NBAS: variants seen among roughly 807,000 people sequenced by gnomAD.
The protein encoded by NBAS is NAG/BC035112 fusion.
In NBAS, 219 loss-of-function variants were observed where a neutral mutation model predicts 302.5. The observed-to-expected ratio is 0.72, with a 90% CI of 0.65 to 0.81. The LOEUF (loss-of-function observed/expected upper bound fraction) is 0.81. Among genes scored for constraint, NBAS ranks in the 30% least tolerant of loss-of-function variants. NBAS has a pLI of 0.00. For missense variants in NBAS, 2,932 were observed against 2,841.6 expected, an observed-to-expected ratio of 1.03 and a Z score of -0.72; for synonymous variants, 1,118 against 1,021.6, an observed-to-expected ratio of 1.09 and a Z score of -1.80.
At chr2:15,076,471 G>T in the NBAS span, among the ~76,000 whole-genome samples, 1 of 152,136 alleles carries the variant, frequency 6.6e-6, no homozygotes, top group Non-Finnish European at 1.5e-5. Flanking sequence ...TTTTGTGAAG[G>T]TGTCTCTCCC....
chr2:15,101,964 A>C, the NBAS span, among the ~76,000 whole-genome samples: 74 of 152,344 alleles, frequency 4.9e-4, 1 homozygote, highest in African/African-American at 1.8e-3. Flanking sequence ...CTTGTGGGCC[A>C]TTTCTCATGC....
At chr2:14,911,102 CAA>C in the NBAS span, among the ~76,000 whole-genome samples, 2 of 152,164 alleles carry the variant, frequency 1.3e-5, no homozygotes, top group East Asian at 1.9e-4. Flanking sequence ...CAAAGAAACT[CAA>C]AGTTACCTTT....
chr2:14,868,677 T>G, the NBAS span, among the ~76,000 whole-genome samples: 1 of 152,224 alleles, frequency 6.6e-6, no homozygotes, highest in South Asian at 2.1e-4. Flanking sequence ...CTTACTGAGT[T>G]TAGTCTAACT....
the NBAS span, among the ~76,000 whole-genome samples, chr2:14,975,094 A>G: frequency 6.6e-6 from 1 of 152,076 alleles, no homozygotes; most frequent in East Asian, 1.9e-4. Context: ...ACCTCACAGA[A>G]CAGAACCTGC....
chr2:15,427,968 C>T (rs1677564148), intron 21 of NBAS, among the ~76,000 whole-genome samples, 174 bp from the exon 22 acceptor site: 1 of 151,868 alleles, frequency 6.6e-6, no homozygotes, highest in Non-Finnish European at 1.5e-5. Flanking sequence ...ATGGGAAATA[C>T]CATATTGCTG....
chr2:14,876,291 G>A, the NBAS span, among the ~76,000 whole-genome samples: 1 of 152,114 alleles, frequency 6.6e-6, no homozygotes, highest in African/African-American at 2.4e-5. Context: ...TAGGGATTGT[G>A]GAAAAGACAA....
chr2:15,051,185 G>C, the NBAS span, among the ~76,000 whole-genome samples: 1 of 152,192 alleles, frequency 6.6e-6, no homozygotes, highest in African/African-American at 2.4e-5. Flanking sequence ...TCCCACATCT[G>C]CCTGTTCCTG....
At chr2:14,797,204 G>A in the NBAS span, among the ~76,000 whole-genome samples, 1 of 152,028 alleles carries the variant, frequency 6.6e-6, no homozygotes, top group Non-Finnish European at 1.5e-5. Flanking sequence ...GTCCACTTCA[G>A]GACCCCTCTC....
the NBAS span, among the ~76,000 whole-genome samples, chr2:14,958,243 A>C: frequency 1.3e-5 from 2 of 152,234 alleles, no homozygotes; most frequent in Non-Finnish European, 2.9e-5. Flanking sequence ...TGAGAGCAGG[A>C]GACCCGGGTC....
At chr2:15,218,380 G>A (rs1345580674) in intron 48 of NBAS, among the ~76,000 whole-genome samples, 1 of 152,192 alleles carries the variant, frequency 6.6e-6, no homozygotes, top group Non-Finnish European at 1.5e-5. Context: ...TGATTATCCA[G>A]TTGACAGTTG....
chr2:15,448,359 T>C (rs952335483), intron 21 of NBAS, among the ~76,000 whole-genome samples: 2 of 152,208 alleles, frequency 1.3e-5, no homozygotes, highest in East Asian at 1.9e-4. Flanking sequence ...ACACCACTTA[T>C]ATGCTAGCAA....
At chr2:15,156,497 G>A in the NBAS span, among the ~76,000 whole-genome samples, 1 of 152,182 alleles carries the variant, frequency 6.6e-6, no homozygotes, top group Admixed American at 6.5e-5. Context: ...CAGCAGATTT[G>A]GCGTCTGGTG....
At chr2:15,277,327 G>A (rs1034269851) in intron 42 of NBAS, among the ~76,000 whole-genome samples, 6 of 152,064 alleles carry the variant, frequency 3.9e-5, no homozygotes, top group African/African-American at 1.4e-4. Flanking sequence ...TATCTCACGG[G>A]GGTCTACAGC....
chr2:15,284,948 C>T (rs1388805521), intron 42 of NBAS, among the ~76,000 whole-genome samples: 1 of 152,192 alleles, frequency 6.6e-6, no homozygotes, highest in Non-Finnish European at 1.5e-5. Context: ...CCTTGCACAT[C>T]ACTCGATTGC....
At chr2:15,559,725 C>T (rs572014108) in intron 1 of NBAS, among the ~76,000 whole-genome samples, 64 of 152,112 alleles carry the variant, frequency 4.2e-4, no homozygotes, top group Non-Finnish European at 6.5e-4. Flanking sequence ...TGAACTCCCC[C>T]ACCCCCAACA....
chr2:15,317,120 C>T (rs995867576), intron 38 of NBAS, among the ~76,000 whole-genome samples: 1 of 152,190 alleles, frequency 6.6e-6, no homozygotes, highest in Non-Finnish European at 1.5e-5. Context: ...CTGGAGTGGA[C>T]CTCCAGCAAA....
intron 28 of NBAS, among the ~76,000 whole-genome samples, chr2:15,386,532 G>A (rs1675307072): frequency 6.6e-6 from 1 of 151,816 alleles, no homozygotes; most frequent in Admixed American, 6.6e-5. Flanking sequence ...ACATTTTTAC[G>A]TAGTCTCCCT....
At position 15,467,683 on chromosome 2, in the gene NBAS, T is replaced by A; in HGVS notation, c.1999A>T (p.Lys667Ter). 6.2e-7 allele frequency: 1 copy of A among 1,612,580 alleles called. No homozygotes were observed. The highest frequency in any genetic ancestry group is 8.5e-7 in the Non-Finnish European group (1 of 1,179,072). Residue 667 changes from lysine to a stop codon, truncating the protein, a stop_gained, in exon 18 of 52, where the codon AAA (lysine) becomes TAA (stop). Transcript: ENST00000281513. LOFTEE classifies it high-confidence loss of function. ...ATTTACTTGGAAAAGTTCACTAATT[T>A]CAGTAGTTCTTGTCTCTTCTTGAGC... ...KELKKRQELL[K>*]LVNFSKLTLE...
intron 9 of NBAS, 135 bp downstream of exon 9, chr2:15,534,408 T>A: frequency 1.3e-6 from 1 of 741,550 alleles, no homozygotes; most frequent in South Asian, 1.5e-5. Flanking sequence ...ACAACAGTAT[T>A]ATAGATATTA....
Sources: allele counts gnomAD v4.1 joint callset (sites outside exome capture counted in the v4.1 genomes callset), GRCh38; gene constraint gnomAD v4.1.1; transcripts MANE v1.5; gene names NCBI Gene and HGNC (gene_info 2026-07-23, HGNC 2026-07-21).